Variants in CPSF3 observed in about 807,000 individuals in gnomAD.
CPSF3 encodes cleavage and polyadenylation specificity factor subunit 3.
A neutral mutation model predicts 84.1 loss-of-function variants in CPSF3; 57 were observed. The observed-to-expected ratio is 0.68, with a 90% CI of 0.55 to 0.85. The LOEUF is 0.85. CPSF3 is among the 40% of genes least tolerant of loss of function. The pLI is 0.00. For synonymous variants in CPSF3, 275 were observed against 278.1 expected (o/e 0.99, Z 0.11); for missense variants, 522 against 838.8 (o/e 0.62, Z 4.66).
At chr2:9,427,145 A>G in intron 1 of CPSF3, among the ~76,000 whole-genome samples, 1 of 152,200 alleles carries the variant, frequency 6.6e-6, no homozygotes, top group Middle Eastern at 3.2e-3. Context: ...GGAAAATGTC[A>G]ATGACACAGC....
At chr2:9,472,596 G>A (rs1480973134) in intron 17 of CPSF3, among the ~76,000 whole-genome samples, 3 of 152,136 alleles carry the variant, frequency 2.0e-5, no homozygotes, top group African/African-American at 7.2e-5. Context: ...AGTGTGTAGG[G>A]CGGCCGTTCT....
At chr2:9,467,879 C>G (rs1209882301) in intron 16 of CPSF3, 103 bp downstream of exon 16, 1 of 864,338 alleles carries the variant, frequency 1.2e-6, no homozygotes, top group African/African-American at 1.7e-5. Flanking sequence ...TGGCTCTGGC[C>G]AGGCCACTGC....
intron 7 of CPSF3, among the ~76,000 whole-genome samples, chr2:9,439,927 C>T (rs1017867790): frequency 6.6e-6 from 1 of 152,116 alleles, no homozygotes; most frequent in Non-Finnish European, 1.5e-5. Flanking sequence ...TGCCATGAGC[C>T]ATGATCATAC....
rs1353489980 is a variant in CPSF3 at position 9,424,051 on chromosome 2, G to A, written c.50+228G>A. ...TTGCTTTTTCATCAGTTTCAGGGGAGGGTATGTTGGAGTCGGAAAAAAAAA... is the reference window on the plus strand; with the variant it reads ...TTGCTTTTTCATCAGTTTCAGGGGAAGGTATGTTGGAGTCGGAAAAAAAAA... On this transcript the variant is annotated intron_variant, in intron 1 of 17. Coordinates refer to ENST00000238112, the MANE Select transcript of CPSF3 (RefSeq NM_016207.4). 16 of 1,262,242 alleles carry A rather than the reference G, an allele frequency of 1.3e-5. No individual in the cohort carries two copies. The East Asian group carries it at 3.9e-4, about 31-fold the overall frequency. 78.2% of individuals were successfully genotyped at this position (1,262,242 alleles called of 1,614,324 possible). A position where few individuals can be genotyped will look rare whatever the true frequency, so the allele number is the denominator to read the frequency against.
intron 4 of CPSF3, 43 bp downstream of exon 4, chr2:9,430,923 G>T (rs747172896): frequency 6.5e-7 from 1 of 1,532,128 alleles, no homozygotes; most frequent in Non-Finnish European, 9.0e-7. Flanking sequence ...GGCTCTATAT[G>T]GCATGTATGG....
At position 9,432,551 on chromosome 2, in the gene CPSF3, T is replaced by C; in HGVS notation, c.382T>C (p.Leu128=). 4 of 1,558,616 alleles carry C rather than the reference T, an allele frequency of 2.6e-6. No individual in the cohort carries two copies. Among genetic ancestry groups the C allele is most frequent in the Non-Finnish European group, 3.5e-6 (4 of 1,140,170 alleles). The part of the protein sequence containing the change: ...ADDMLYTETD[L]EESMDKIETI... ...CGACATGCTGTATACCGAGACAGAT[T>C]TGGAAGAAAGCATGGACAAAATTGA... The change falls in exon 5 of 18, where the codon TTG becomes CTG. Residue 128 remains leucine (L), a synonymous_variant. Transcript: ENST00000238112.
rs577259358 is a variant in CPSF3, at chr2:9,466,363, C to T, written c.1787-1344C>T. Among the ~76,000 whole-genome samples the T allele has an allele frequency of 4.7e-5, 7 of 148,862 alleles. No homozygotes were observed. The South Asian group carries it at 6.6e-4, about 14-fold the overall frequency. On this transcript the variant is annotated intron_variant, in intron 15 of 17. Transcript: ENST00000238112. ...ACACGCGCGCGCGCGCACACACACA[C>T]GCACACACCCACGCACTCGCACACA... is the stretch of plus-strand genomic sequence containing the variant.
intron 9 of CPSF3, among the ~76,000 whole-genome samples, chr2:9,442,191 A>G (rs1477191253): frequency 6.6e-6 from 1 of 152,224 alleles, no homozygotes; most frequent in African/African-American, 2.4e-5. Context: ...TGATATACAC[A>G]TTAAAGTTTG....
At chr2:9,448,560 T>TTTG (rs138241770) in intron 11 of CPSF3, among the ~76,000 whole-genome samples, 6 of 151,894 alleles carry the variant, frequency 4.0e-5, no homozygotes, top group African/African-American at 1.2e-4. Context: ...ATTAGATTTT[T>TTTG]TGTGTGTGTG....
chr2:9,442,184 T>C (rs1421597760), intron 9 of CPSF3, among the ~76,000 whole-genome samples: 1 of 152,226 alleles, frequency 6.6e-6, no homozygotes, highest in Non-Finnish European at 1.5e-5. Flanking sequence ...AGGTGATTGA[T>C]ATACACATTA....
At chr2:9,466,248 GCGCACA>G (rs1191821394) in intron 15 of CPSF3, among the ~76,000 whole-genome samples, 273 of 93,152 alleles carry the variant, frequency 2.9e-3, no homozygotes, top group African/African-American at 7.7e-3. Context: ...GCGCACGCAC[GCGCACA>G]CACGCACACA....
chr2:9,423,687 T>A lies in CPSF3; in HGVS notation c.-87T>A. ...TGCTCTTGGTGAATGGGGTTCTTCC[T>A]TTTTTATTTACCGGTGGCTGTGCTT... is the stretch of plus-strand genomic sequence containing the variant. On this transcript the variant is annotated 5_prime_UTR_variant, in exon 1 of 18. Transcript: ENST00000238112. The A allele has an allele frequency of 6.5e-7, 1 of 1,534,848 alleles. No homozygotes were observed. Among genetic ancestry groups the A allele is most frequent in the South Asian group, 1.2e-5 (1 of 84,846 alleles).
chr2:9,465,831 T>C (rs1415447215), intron 15 of CPSF3, among the ~76,000 whole-genome samples: 3 of 152,174 alleles, frequency 2.0e-5, no homozygotes, highest in African/African-American at 7.2e-5. Context: ...AAGTCTGTTA[T>C]GAACATGAAA....
chr2:9,436,774 A>AAAAATAAAAATAAAAAATAAT (rs139337028), intron 7 of CPSF3, among the ~76,000 whole-genome samples: 29 of 143,036 alleles, frequency 2.0e-4, no homozygotes, highest in African/African-American at 7.3e-4. Flanking sequence ...CCATCTCAAA[A>AAAAATAAAAATAAAAAATAAT]AATAATAATA....
intron 4 of CPSF3, among the ~76,000 whole-genome samples, chr2:9,431,650 TC>T (rs1680595618): frequency 6.6e-6 from 1 of 150,934 alleles, no homozygotes; most frequent in Non-Finnish European, 1.5e-5. Context: ...TTCAGGCAAT[TC>T]TCATGTCTCA....
chr2:9,450,767 A>G (rs1178184921), intron 11 of CPSF3, among the ~76,000 whole-genome samples: 3 of 152,156 alleles, frequency 2.0e-5, no homozygotes, highest in South Asian at 2.1e-4. Flanking sequence ...CAGCCTGAGC[A>G]ACAGAGCAAG....
In CPSF3 at chr2:9,452,921, A is replaced by AT; in HGVS notation, c.1409dup (p.Leu470PhefsTer18). The AT allele has an allele frequency of 6.3e-7, 1 of 1,595,740 alleles. No individual in the cohort carries two copies. The stretch of plus-strand genomic sequence containing the variant: ...GTATTTTTTTTTTACAGGTTATGGG[A>AT]TTTTTAGCAGACAAAAAACCAGAAC... On this transcript the variant is annotated frameshift_variant, in exon 12 of 18. Coordinates refer to ENST00000238112, the MANE Select transcript of CPSF3 (RefSeq NM_016207.4). LOFTEE classifies it high-confidence loss of function.
chr2:9,446,699 G>C (rs1681139044), intron 10 of CPSF3, among the ~76,000 whole-genome samples: 1 of 152,032 alleles, frequency 6.6e-6, no homozygotes. Context: ...AGAGGCTGCA[G>C]TGAGCCAAGA....
At chr2:9,467,036 T>C (rs1189534375) in intron 15 of CPSF3, among the ~76,000 whole-genome samples, 5 of 152,206 alleles carry the variant, frequency 3.3e-5, no homozygotes, top group African/African-American at 7.2e-5. Flanking sequence ...GGAGTAGAAT[T>C]ACTAGGTCAA....
Sources: gnomAD v4.1 joint callset for allele counts (sites outside exome capture counted in the v4.1 genomes callset) on GRCh38, gnomAD v4.1.1 for gene constraint, MANE v1.5 for transcripts, NCBI Gene and HGNC (gene_info 2026-07-23, HGNC 2026-07-21) for gene names.